GALNTL6: variants seen among roughly 807,000 people sequenced by gnomAD.
GALNTL6 encodes polypeptide N-acetylgalactosaminyltransferase like 6, also known as polypeptide N-acetylgalactosaminyltransferase-like 6.
In GALNTL6, 46 loss-of-function variants were observed where a neutral mutation model predicts 73.7. The ratio of observed to expected loss-of-function variants is 0.62; its 90% CI spans 0.49 to 0.80. The LOEUF is 0.80. Ranked by LOEUF, GALNTL6 falls within the 30% of genes least tolerant of loss-of-function variation. The pLI is 0.00. For missense variants in GALNTL6, 604 were observed against 755.0 expected (o/e 0.80, Z 2.34); for synonymous variants, 259 against 263.7 (o/e 0.98, Z 0.17).
At chr4:172,421,936 C>T (rs1731063871) in intron 5 of GALNTL6, among the ~76,000 whole-genome samples, 1 of 90,568 alleles carries the variant, frequency 1.1e-5, no homozygotes, top group Admixed American at 1.3e-4. Context: ...CCGTTTCTAG[C>T]TGTGTGAAAG....
chr4:172,248,107 CT>C (rs1737722765), intron 3 of GALNTL6, among the ~76,000 whole-genome samples: 1 of 151,882 alleles, frequency 6.6e-6, no homozygotes, highest in East Asian at 1.9e-4. Flanking sequence ...TTAAAGATGC[CT>C]TCAAATTTTT....
chr4:172,554,852 T>A (rs1020658377), intron 5 of GALNTL6, among the ~76,000 whole-genome samples: 1 of 152,184 alleles, frequency 6.6e-6, no homozygotes, highest in Non-Finnish European at 1.5e-5. Flanking sequence ...TTGGCTCTTA[T>A]AAATAATGCC....
In GALNTL6 at chr4:171,910,159, C is replaced by T. The variant is rs544452121; in HGVS notation, c.138+95441C>T. ...TCTACTGCTTTGCTCCAACCAAAAA[C>T]AAAACAGAGCAAAACACTTTAAAAA... On this transcript the variant is annotated intron_variant, in intron 2 of 12. Transcript: ENST00000506823. Among the ~76,000 whole-genome samples the T allele has an allele frequency of 1.1e-4, 17 of 152,138 alleles. No homozygotes were observed. In the South Asian group the frequency reaches 3.3e-3, roughly 30 times the overall value.
chr4:172,442,268 G>A (rs945499376), intron 5 of GALNTL6, among the ~76,000 whole-genome samples: 4 of 151,990 alleles, frequency 2.6e-5, no homozygotes, highest in Non-Finnish European at 5.9e-5. Context: ...GTTGCCTTTG[G>A]AACTGTCTCA....
At chr4:172,434,741 C>G (rs1731573995) in intron 5 of GALNTL6, among the ~76,000 whole-genome samples, 1 of 152,026 alleles carries the variant, frequency 6.6e-6, no homozygotes, top group Non-Finnish European at 1.5e-5. Context: ...GCTTATTGGT[C>G]AAAATATCTT....
intron 8 of GALNTL6, among the ~76,000 whole-genome samples, chr4:172,899,933 C>A (rs1308242077): frequency 6.6e-6 from 1 of 152,102 alleles, no homozygotes; most frequent in Non-Finnish European, 1.5e-5. Flanking sequence ...ATTTTTGTTG[C>A]CATCTTGGTT....
At chr4:172,552,858 GGT>G (rs1736012969) in intron 5 of GALNTL6, among the ~76,000 whole-genome samples, 1 of 119,964 alleles carries the variant, frequency 8.3e-6, no homozygotes, top group African/African-American at 3.3e-5. Flanking sequence ...AAAAAAAAAA[GGT>G]AAAAACCGCA....
chr4:172,753,490 A>G (rs1022156286), intron 5 of GALNTL6, among the ~76,000 whole-genome samples: 39 of 152,228 alleles, frequency 2.6e-4, no homozygotes, highest in Non-Finnish European at 1.2e-4. Flanking sequence ...TAAATCTTGG[A>G]CAATATCACT....
intron 7 of GALNTL6, among the ~76,000 whole-genome samples, chr4:172,857,270 G>C (rs1031923553): frequency 1.3e-5 from 2 of 152,126 alleles, no homozygotes; most frequent in African/African-American, 4.8e-5. Context: ...AAAGAAGTGG[G>C]GACTGCTTCT....
At chr4:172,546,232 A>G (rs1232042016) in intron 5 of GALNTL6, among the ~76,000 whole-genome samples, 1 of 152,176 alleles carries the variant, frequency 6.6e-6, no homozygotes, top group African/African-American at 2.4e-5. Flanking sequence ...TTCACATGCC[A>G]TAACAGAGCT....
chr4:172,411,855 C>T (rs755232382), intron 5 of GALNTL6, among the ~76,000 whole-genome samples: 1 of 151,714 alleles, frequency 6.6e-6, no homozygotes, highest in South Asian at 2.1e-4. Flanking sequence ...GATAAAATAG[C>T]GAGAAAATCA....
chr4:172,411,879 A>G (rs1184855530), intron 5 of GALNTL6, among the ~76,000 whole-genome samples: 2 of 152,064 alleles, frequency 1.3e-5, no homozygotes, highest in African/African-American at 4.8e-5. Flanking sequence ...AAAAATCCCT[A>G]CTTTCATGGC....
chr4:172,172,961 C>T (rs1301750550), intron 2 of GALNTL6, among the ~76,000 whole-genome samples: 3 of 152,240 alleles, frequency 2.0e-5, no homozygotes, highest in South Asian at 4.1e-4. Flanking sequence ...GAAGTGTTAA[C>T]GGGAGGTCAA....
chr4:172,543,432 A>T (rs960440289), intron 5 of GALNTL6, among the ~76,000 whole-genome samples: 1 of 152,222 alleles, frequency 6.6e-6, no homozygotes, highest in African/African-American at 2.4e-5. Context: ...CTGTGCGCCC[A>T]TGCAAACTGG....
chr4:172,840,090 CA>C lies in GALNTL6; in HGVS notation c.923+26374del, dbSNP rs552547040. On this transcript the variant is annotated intron_variant, in intron 7 of 12. Coordinates refer to ENST00000506823, the MANE Select transcript of GALNTL6 (RefSeq NM_001034845.3). ...ACACATCCACAGTAAGTCAGCTGCA[CA>C]AAAAAAGGAACCCTGTAAAATAAAT... Among the ~76,000 whole-genome samples, 208 of 152,104 alleles carry C rather than the reference CA, an allele frequency of 1.4e-3. 1 individual carries two copies. Among genetic ancestry groups the C allele is most frequent in the African/African-American group, 3.9e-3 (160 of 41,518 alleles).
At chr4:173,018,647 A>G (rs55735862) in intron 11 of GALNTL6, among the ~76,000 whole-genome samples, 7,375 of 152,304 alleles carry the variant, frequency 0.048, 340 homozygotes, top group African/African-American at 0.13. Flanking sequence ...CTTACATGAC[A>G]GATGAGCATT....
At chr4:171,855,499 T>C (rs910075983) in intron 2 of GALNTL6, among the ~76,000 whole-genome samples, 9 of 152,250 alleles carry the variant, frequency 5.9e-5, no homozygotes, top group Non-Finnish European at 1.0e-4. Flanking sequence ...ATGGATGTAG[T>C]ACAGTTTTTA....
At chr4:172,469,083 G>GGGACCC (rs1035392375) in intron 5 of GALNTL6, among the ~76,000 whole-genome samples, 9 of 152,158 alleles carry the variant, frequency 5.9e-5, no homozygotes, top group Admixed American at 1.3e-4. Context: ...GACAGAGCAT[G>GGGACCC]GGACCCACCT....
rs117897294 is a variant in GALNTL6 at position 172,379,863 on chromosome 4, G to A, written c.553+31174G>A. ...GCTCATACTTTTTGACAGTGAATCAGAACAAAACATAGATTTGCTAATGTG... is the reference window on the plus strand; with the variant it reads ...GCTCATACTTTTTGACAGTGAATCAAAACAAAACATAGATTTGCTAATGTG... On this transcript the variant is annotated intron_variant, in intron 5 of 12. Coordinates refer to ENST00000506823, the MANE Select transcript of GALNTL6 (RefSeq NM_001034845.3). Among the ~76,000 whole-genome samples the A allele has an allele frequency of 8.1e-4, 123 of 152,208 alleles. 1 individual carries two copies. The South Asian group carries it at 0.016, about 20-fold the overall frequency.
Sources: allele counts gnomAD v4.1 joint callset (sites outside exome capture counted in the v4.1 genomes callset), GRCh38; gene constraint gnomAD v4.1.1; transcripts MANE v1.5; gene names NCBI Gene and HGNC (gene_info 2026-07-23, HGNC 2026-07-21).